MBD3: variants seen among roughly 807,000 people sequenced by gnomAD.
MBD3 encodes methyl-CpG-binding domain protein 3.
MBD3 carries 13 observed loss-of-function variants against 31.2 expected under a neutral mutation model. The ratio of observed to expected loss-of-function variants is 0.42; its 90% CI spans 0.27 to 0.66. The LOEUF (loss-of-function observed/expected upper bound fraction) is 0.66, where lower values mean the gene tolerates loss of function less well. MBD3 is among the 30% of genes least tolerant of loss of function. MBD3 has a pLI of 0.26. For missense variants in MBD3, 440 were observed against 426.5 expected, an observed-to-expected ratio of 1.03 and a Z score of -0.28; for synonymous variants, 223 against 187.4, an observed-to-expected ratio of 1.19 and a Z score of -1.55.
chr19:1,592,573 A>ACTT lies in MBD3; in HGVS notation c.56_58dup (p.Glu19dup). 1 of 1,443,878 alleles carries ACTT rather than the reference A, an allele frequency of 6.9e-7. No homozygotes were observed. The highest frequency in any genetic ancestry group is 9.3e-7 in the Non-Finnish European group (1 of 1,076,668). 89.4% of individuals were successfully genotyped at this position (1,443,878 alleles called of 1,614,324 possible). On this transcript the variant is annotated inframe_insertion, in exon 1 of 7. Transcript: ENST00000434436. ...GGCCGACAGCCCCGACCTTCTGGGC[A>ACTT]CTTCTTCCCTCTCCCAGCCCTGCGG...
chr19:1,587,405 T>C (rs2145606593), intron 1 of MBD3, among the ~76,000 whole-genome samples: 1 of 151,584 alleles, frequency 6.6e-6, no homozygotes, highest in South Asian at 2.1e-4. Flanking sequence ...TGCTGCTTCA[T>C]TTCTTTTTTT....
In MBD3 at chr19:1,584,588, G is replaced by C. The variant is rs1321894827; in HGVS notation, c.360C>G (p.Ser120Arg). ...QPVTKITNHP[S>R]NKVKSDPQKA... ...TCTGCGGGTCGCTCTTGACCTTGTT[G>C]CTGGGGTGGTTGGTAATCTTGGTCA... Residue 120 changes from serine to arginine, a missense_variant, in exon 3 of 7, where the codon AGC becomes AGG. By Grantham distance (110) the Ser-to-Arg change is moderately radical. This residue lies in a region of MBD3 where 144 missense variants were observed against 196.9 expected (regional missense o/e 0.73). Transcript: ENST00000434436. 1 of 1,613,948 alleles carries C rather than the reference G, an allele frequency of 6.2e-7. No individual in the cohort carries two copies. The highest frequency in any genetic ancestry group is 8.5e-7 in the Non-Finnish European group (1 of 1,179,944).
In MBD3 at chr19:1,577,659, G is replaced by A. The variant is rs1170307708; in HGVS notation, c.*505C>T. ...TGTGGCACCACCAGCCGCATGGCAG[G>A]GCAGAGAGTGGCGCCGTCCTGCATG... is the stretch of plus-strand genomic sequence containing the variant. On this transcript the variant is annotated 3_prime_UTR_variant, in exon 7 of 7. Coordinates refer to ENST00000434436, the MANE Select transcript of MBD3 (RefSeq NM_001281453.2). The A allele has an allele frequency of 1.3e-5, 2 of 153,498 alleles. No homozygotes were observed. Among genetic ancestry groups the A allele is most frequent in the East Asian group, 1.9e-4 (1 of 5,212 alleles). 9.5% of individuals were successfully genotyped at this position (153,498 alleles called of 1,614,324 possible).
At position 1,585,179 on chromosome 19, in the gene MBD3, AGCTGCGGCTT is replaced by A. The variant is rs1374099130; in HGVS notation, c.136_145del (p.Lys46TrpfsTer11). 6.2e-7 allele frequency: 1 copy of A among 1,607,090 alleles called. No homozygotes were observed. Among genetic ancestry groups the A allele is most frequent in the Non-Finnish European group, 8.5e-7 (1 of 1,179,128 alleles). ...CATGGAGCCGCCCAGGTAGCGCGCCAGCTGCGGCTTGCTGCGGAACTTCTTCCCGCTCGGG... is the reference window on the plus strand; with the variant it reads ...CATGGAGCCGCCCAGGTAGCGCGCCAGCTGCGGAACTTCTTCCCGCTCGGG... On this transcript the variant is annotated frameshift_variant, in exon 2 of 7. Transcript: ENST00000434436. LOFTEE classifies it high-confidence loss of function. This position sits in a 1 kb window ranked among gnomAD's most constrained non-coding sequence, Gnocchi z 4.1.
chr19:1,587,912 C>T (rs536338857), intron 1 of MBD3, among the ~76,000 whole-genome samples: 2 of 152,336 alleles, frequency 1.3e-5, no homozygotes, highest in African/African-American at 2.4e-5. Context: ...CTCCTCCTGT[C>T]CTCTTCTGCC....
chr19:1,576,764 C>A lies in MBD3; in HGVS notation c.*1400G>T, dbSNP rs1218762198. On this transcript the variant is annotated 3_prime_UTR_variant, in exon 7 of 7. Transcript: ENST00000434436. ...CACCAGGCAGACAGAGGGGAGGCCA[C>A]CCCACTGCAAAGGGTCCCAGCCAGT... The A allele has an allele frequency of 1.3e-5, 2 of 152,354 alleles. No homozygotes were observed. The highest frequency in any genetic ancestry group is 2.9e-5 in the Non-Finnish European group (2 of 68,128). 9.4% of individuals were successfully genotyped at this position (152,354 alleles called of 1,614,324 possible). A position where few individuals can be genotyped will look rare whatever the true frequency, so the allele number is the denominator to read the frequency against.
Position 1,575,282 on chromosome 19 carries a change from T to C in MBD3, c.*2882A>G. The C allele has an allele frequency of 2.3e-6, 1 of 434,948 alleles. No homozygotes were observed. The highest frequency in any genetic ancestry group is 1.6e-5 in the South Asian group (1 of 63,398). 26.9% of individuals were successfully genotyped at this position (434,948 alleles called of 1,614,324 possible). ...CTGTCTCTATTAAAAATACAAAAAT[T>C]AGCTGGGCGTGGTGGCTACTCGGGA... On this transcript the variant is annotated 3_prime_UTR_variant, in exon 7 of 7. Coordinates refer to ENST00000434436, the MANE Select transcript of MBD3 (RefSeq NM_001281453.2).
Position 1,576,099 on chromosome 19 carries a change from T to G in MBD3, c.*2065A>C, listed in dbSNP as rs113827300. 0.12 allele frequency: 18,581 copies of G among 150,622 alleles called. 1,359 individuals carry two copies. The highest frequency in any genetic ancestry group is 0.29 in the South Asian group (1,379 of 4,764). The allele number at this position is 150,622 out of a possible 1,614,324, so 9.3% of individuals were successfully genotyped here. A position where few individuals can be genotyped will look rare whatever the true frequency, so the allele number is the denominator to read the frequency against. ...GCAAGAGAGAGACAAGAGGGAGAGA[T>G]AGAGACAGGGATAGACAGAGACAGA... On this transcript the variant is annotated 3_prime_UTR_variant, in exon 7 of 7. Coordinates refer to ENST00000434436, the MANE Select transcript of MBD3 (RefSeq NM_001281453.2).
At chr19:1,583,287 A>G (rs1286308843) in intron 3 of MBD3, 1 of 153,132 alleles carries the variant, frequency 6.5e-6, no homozygotes, top group African/African-American at 2.4e-5. Flanking sequence ...CTGAGGTGGA[A>G]GGATCACTTG....
chr19:1,584,690 G>A lies in MBD3; in HGVS notation c.271-13C>T, dbSNP rs1007740391. On this transcript the variant is annotated splice_polypyrimidine_tract_variant and intron_variant, in intron 2 of 6. Coordinates refer to ENST00000434436, the MANE Select transcript of MBD3 (RefSeq NM_001281453.2). ...GGTCGGGCTTGCCCTGCGGGAGGAA[G>A]GATATGCAGTCCGGCCTGGGGGCGC... 13 of 1,608,944 alleles carry A rather than the reference G, an allele frequency of 8.1e-6. No individual in the cohort carries two copies. Among genetic ancestry groups the A allele is most frequent in the East Asian group, 2.2e-5 (1 of 44,864 alleles).
chr19:1,588,326 C>T (rs1473741926), intron 1 of MBD3, among the ~76,000 whole-genome samples: 3 of 152,100 alleles, frequency 2.0e-5, no homozygotes, highest in African/African-American at 7.2e-5. Flanking sequence ...GACGTTCAGT[C>T]GAAGCTGGTT....
intron 4 of MBD3, among the ~76,000 whole-genome samples, chr19:1,582,139 TGA>T (rs1491481633): frequency 2.6e-5 from 4 of 152,194 alleles, no homozygotes; most frequent in Non-Finnish European, 4.4e-5. Flanking sequence ...TGAGATCAAG[TGA>T]AACTCCTGCC....
chr19:1,582,752 C>A (rs189862008), intron 3 of MBD3, 40 bp from the exon 4 acceptor site: 1 of 1,570,592 alleles, frequency 6.4e-7, no homozygotes, highest in South Asian at 1.1e-5. Flanking sequence ...AGTGGCCCTG[C>A]CCTCTCCCCA....
intron 1 of MBD3, among the ~76,000 whole-genome samples, chr19:1,589,991 T>C (rs2060696439): frequency 6.6e-6 from 1 of 152,144 alleles, no homozygotes; most frequent in Non-Finnish European, 1.5e-5. Context: ...CGGTGATGGT[T>C]GCACAACTTT....
At position 1,577,082 on chromosome 19, in the gene MBD3, C is replaced by T. The variant is rs1442147068; in HGVS notation, c.*1082G>A. 1 of 152,412 alleles carries T rather than the reference C, an allele frequency of 6.6e-6. No homozygotes were observed. Among genetic ancestry groups the T allele is most frequent in the East Asian group, 1.9e-4 (1 of 5,200 alleles). 9.4% of individuals were successfully genotyped at this position (152,412 alleles called of 1,614,324 possible). On this transcript the variant is annotated 3_prime_UTR_variant, in exon 7 of 7. Transcript: ENST00000434436. The stretch of plus-strand genomic sequence containing the variant: ...GGCTGGGGCAGCACCGGGACAGGCC[C>T]TCTCTATGGGCCTAAGGTCAATGCA...
rs528750053 is a variant in MBD3 at position 1,587,154 on chromosome 19, G to A, written c.111-1940C>T. On this transcript the variant is annotated intron_variant, in intron 1 of 6. Coordinates refer to ENST00000434436, the MANE Select transcript of MBD3 (RefSeq NM_001281453.2). ...CTAATTTTTTATATTTTTAGTAGAG[G>A]TGGGGTTTCACAGTGTTAGCCAGGA... Among the ~76,000 whole-genome samples, 220 of 151,266 alleles carry A rather than the reference G, an allele frequency of 1.5e-3. 1 individual carries two copies. The highest frequency in any genetic ancestry group is 5.2e-3 in the African/African-American group (212 of 41,164).
At position 1,573,935 on chromosome 19, in the gene MBD3, G is replaced by A. The variant is rs935286587; in HGVS notation, c.*4229C>T. 1 of 152,198 alleles carries A rather than the reference G, an allele frequency of 6.6e-6. No homozygotes were observed. The highest frequency in any genetic ancestry group is 1.5e-5 in the Non-Finnish European group (1 of 68,064). The allele number at this position is 152,198 out of a possible 1,614,324, so 9.4% of individuals were successfully genotyped here. On this transcript the variant is annotated 3_prime_UTR_variant, in exon 7 of 7. Coordinates refer to ENST00000434436, the MANE Select transcript of MBD3 (RefSeq NM_001281453.2). ...GAGAATCTATTGAACCCGGGAGGAG[G>A]AGGTTGCGGTGAGCCAAGTTTGCAC...
At position 1,585,409 on chromosome 19, in the gene MBD3, A is replaced by G; in HGVS notation, c.111-195T>C. 2 of 605,530 alleles carry G rather than the reference A, an allele frequency of 3.3e-6. No individual in the cohort carries two copies. The highest frequency in any genetic ancestry group is 5.8e-6 in the Non-Finnish European group (2 of 346,774). 37.5% of individuals were successfully genotyped at this position (605,530 alleles called of 1,614,324 possible). A position where few individuals can be genotyped will look rare whatever the true frequency, so the allele number is the denominator to read the frequency against. The stretch of plus-strand genomic sequence containing the variant: ...GACCCCAACCCTGGCGTGACCCCAG[A>G]CCTTCATCCCAGACCCCAGCACCCC... On this transcript the variant is annotated intron_variant, in intron 1 of 6. Transcript: ENST00000434436. The surrounding 1 kb of genome is among the most constrained non-coding windows in gnomAD (Gnocchi z 4.1).
rs766827335 is a variant in MBD3, at chr19:1,581,209, G to A, written c.560C>T (p.Thr187Ile). 2 of 1,613,774 alleles carry A rather than the reference G, an allele frequency of 1.2e-6. No individual in the cohort carries two copies. The highest frequency in any genetic ancestry group is 1.7e-6 in the Non-Finnish European group (2 of 1,180,024). Residue 187 changes from threonine to isoleucine, a missense_variant, in exon 5 of 7, where the codon ACT (threonine) becomes ATT (isoleucine). Around this residue, in one of 3 missense-constraint regions of MBD3, gnomAD observed 144 missense variants for 196.9 expected, o/e 0.73. Transcript: ENST00000434436. The stretch of plus-strand genomic sequence containing the variant: ...CTGTCCCGTGATGGGCATGGTGCTA[G>A]TGTGCAGGGCGCTGGCGATGGCCGA... ...LLSAIASALH[T>I]STMPITGQLS...
Sources: allele counts gnomAD v4.1 joint callset (sites outside exome capture counted in the v4.1 genomes callset), GRCh38; gene constraint gnomAD v4.1.1; regional missense constraint gnomAD v4.1.1; non-coding constraint Gnocchi (gnomAD v3.1); transcripts MANE v1.5; gene names NCBI Gene and HGNC (gene_info 2026-07-23, HGNC 2026-07-21).